The following UBE2E2 variants were observed in gnomAD, a reference collection of about 807,000 sequenced individuals.
UBE2E2 encodes the protein ubiquitin conjugating enzyme E2 E2, also known as ubiquitin-conjugating enzyme E2 E2.
A neutral mutation model predicts 24.7 loss-of-function variants in UBE2E2; 6 were observed. That is an observed-to-expected ratio of 0.24 (90% CI 0.13 to 0.48). UBE2E2 has a LOEUF of 0.48. Ranked by LOEUF, UBE2E2 falls within the 20% of genes least tolerant of loss-of-function variation. The probability of loss-of-function intolerance (pLI) is 0.99; values close to 1 mark genes in which losing one functional copy is unlikely to be tolerated. For missense variants in UBE2E2, 169 were observed against 245.0 expected (o/e 0.69, Z 2.07); for synonymous variants, 104 against 83.6 (o/e 1.24, Z -1.33).
intron 3 of UBE2E2, among the ~76,000 whole-genome samples, chr3:23,393,417 T>C (rs2125363178): frequency 6.6e-6 from 1 of 152,330 alleles, no homozygotes. Context: ...CAAGATGTGG[T>C]CGCTGGACCA....
intron 3 of UBE2E2, among the ~76,000 whole-genome samples, chr3:23,353,912 A>T (rs1333404357): frequency 6.6e-6 from 1 of 152,224 alleles, no homozygotes; most frequent in Non-Finnish European, 1.5e-5. Flanking sequence ...GAACCAAAAA[A>T]GAGCCTGCAT....
chr3:23,525,241 C>G (rs899916112), intron 4 of UBE2E2, among the ~76,000 whole-genome samples: 1 of 152,114 alleles, frequency 6.6e-6, no homozygotes, highest in Non-Finnish European at 1.5e-5. Flanking sequence ...CAAGATTCTC[C>G]GCCTAATCAC....
At chr3:23,235,216 A>G (rs1697073252) in intron 3 of UBE2E2, among the ~76,000 whole-genome samples, 1 of 152,180 alleles carries the variant, frequency 6.6e-6, no homozygotes, top group Non-Finnish European at 1.5e-5. Context: ...AGACATCATA[A>G]TTGCTATGAA....
intron 3 of UBE2E2, among the ~76,000 whole-genome samples, chr3:23,478,563 A>G (rs1201221822): frequency 6.6e-6 from 1 of 152,256 alleles, no homozygotes; most frequent in Non-Finnish European, 1.5e-5. Flanking sequence ...TGAAACAAAA[A>G]TATTAAGAAT....
At chr3:23,570,513 A>G (rs1250798026) in intron 5 of UBE2E2, among the ~76,000 whole-genome samples, 2 of 152,244 alleles carry the variant, frequency 1.3e-5, no homozygotes, top group Non-Finnish European at 2.9e-5. Flanking sequence ...TAAACAATGT[A>G]TAGTAAATAA....
At chr3:23,364,343 T>G (rs546014398) in intron 3 of UBE2E2, among the ~76,000 whole-genome samples, 1 of 152,104 alleles carries the variant, frequency 6.6e-6, no homozygotes, top group African/African-American at 2.4e-5. Context: ...AGAAATTGAT[T>G]CTTTGAAAGA....
intron 5 of UBE2E2, among the ~76,000 whole-genome samples, chr3:23,564,966 T>C (rs1319442839): frequency 6.6e-6 from 1 of 152,180 alleles, no homozygotes; most frequent in African/African-American, 2.4e-5. Flanking sequence ...GGTGCAGTTG[T>C]GTGCCAGACA....
intron 3 of UBE2E2, among the ~76,000 whole-genome samples, chr3:23,472,250 A>G (rs144384063): frequency 2.0e-5 from 3 of 152,348 alleles, no homozygotes; most frequent in Non-Finnish European, 4.4e-5. Flanking sequence ...CTTCAGTTAC[A>G]GCTCCCCCAG....
chr3:23,355,330 G>A (rs1363670738), intron 3 of UBE2E2, among the ~76,000 whole-genome samples: 1 of 152,040 alleles, frequency 6.6e-6, no homozygotes, highest in Non-Finnish European at 1.5e-5. Context: ...GTATACATAC[G>A]TAACCTGTAC....
At chr3:23,328,654 C>A (rs1304042641) in intron 3 of UBE2E2, among the ~76,000 whole-genome samples, 1 of 91,416 alleles carries the variant, frequency 1.1e-5, no homozygotes, top group Non-Finnish European at 2.1e-5. Flanking sequence ...GCCGTAATCT[C>A]TCTCTCTCTT....
intron 5 of UBE2E2, among the ~76,000 whole-genome samples, chr3:23,584,734 T>G (rs986955809): frequency 0.2 from 24,911 of 125,486 alleles, 1,395 homozygotes; most frequent in African/African-American, 0.31. Flanking sequence ...TTGTTTTTTT[T>G]TTTTTTTTTT....
chr3:23,327,637 A>T (rs1284745769), intron 3 of UBE2E2, among the ~76,000 whole-genome samples: 2 of 152,192 alleles, frequency 1.3e-5, no homozygotes, highest in Admixed American at 6.5e-5. Flanking sequence ...TTGGGATGTT[A>T]TTCTGGAATT....
At chr3:23,289,586 T>G (rs961698852) in intron 3 of UBE2E2, among the ~76,000 whole-genome samples, 1 of 152,364 alleles carries the variant, frequency 6.6e-6, no homozygotes, top group African/African-American at 2.4e-5. Context: ...CACTTTAAAA[T>G]ACTGTACTGT....
chr3:23,401,837 A>C, intron 3 of UBE2E2, among the ~76,000 whole-genome samples: 1 of 136,480 alleles, frequency 7.3e-6, no homozygotes, highest in African/African-American at 2.8e-5. Context: ...ATGCACCACC[A>C]TGCCTGGCTA....
rs145669222 is a variant in UBE2E2, at chr3:23,528,944, C to T, written c.361-3610C>T. On this transcript the variant is annotated intron_variant, in intron 4 of 5. Transcript: ENST00000396703. Reference sequence around the variant, plus strand: ...TCTGCCTATTCTACCACATCTATGCCGTGGAATACTACTCATCAGTAAGAA... The same window carrying T: ...TCTGCCTATTCTACCACATCTATGCTGTGGAATACTACTCATCAGTAAGAA... 9.5e-3 allele frequency among the ~76,000 whole-genome samples: 1,442 copies of T among 152,228 alleles called. 14 individuals carry two copies. Among genetic ancestry groups the T allele is most frequent in the Non-Finnish European group, 0.016 (1,073 of 68,022 alleles).
intron 3 of UBE2E2, among the ~76,000 whole-genome samples, chr3:23,493,978 T>A (rs1032569713): frequency 1.4e-4 from 22 of 152,336 alleles, no homozygotes; most frequent in Admixed American, 1.2e-3. Flanking sequence ...TGTGCTATAA[T>A]GATCTCATTT....
At chr3:23,231,583 C>T (rs75859550) in intron 3 of UBE2E2, among the ~76,000 whole-genome samples, 9,707 of 152,184 alleles carry the variant, frequency 0.064, 486 homozygotes, top group Non-Finnish European at 0.092. Context: ...AATCAGTGTC[C>T]ACAAATTCAA....
intron 3 of UBE2E2, among the ~76,000 whole-genome samples, chr3:23,478,404 C>T (rs1427040326): frequency 1.3e-5 from 2 of 152,054 alleles, no homozygotes; most frequent in Non-Finnish European, 2.9e-5. Flanking sequence ...GAAATTTAAA[C>T]AAATATATGA....
At chr3:23,220,642 G>C (rs1313617469) in intron 3 of UBE2E2, among the ~76,000 whole-genome samples, 1 of 152,180 alleles carries the variant, frequency 6.6e-6, no homozygotes, top group Non-Finnish European at 1.5e-5. Flanking sequence ...CAGATCCACT[G>C]ATCAATAAAT....
Sources: gnomAD v4.1 joint callset for allele counts (sites outside exome capture counted in the v4.1 genomes callset) on GRCh38, gnomAD v4.1.1 for gene constraint, MANE v1.5 for transcripts, NCBI Gene and HGNC (gene_info 2026-07-23, HGNC 2026-07-21) for gene names.